Variants in SLC14A2 observed in about 807,000 individuals in gnomAD.
SLC14A2 encodes the protein urea transporter 2.
A neutral mutation model predicts 104.6 loss-of-function variants in SLC14A2; 91 were observed. The ratio of observed to expected loss-of-function variants is 0.87; its 90% CI spans 0.73 to 1.04. The LOEUF (loss-of-function observed/expected upper bound fraction) is 1.04. Ranked by LOEUF, SLC14A2 falls within the 50% of genes least tolerant of loss-of-function variation. The pLI, the probability that SLC14A2 is intolerant of heterozygous loss-of-function variation, is 0.00. For synonymous variants in SLC14A2, 476 were observed against 466.4 expected, an observed-to-expected ratio of 1.02 and a Z score of -0.27; for missense variants, 1,189 against 1,156.0, an observed-to-expected ratio of 1.03 and a Z score of -0.41.
chr18:45,406,871 T>C (rs1378254177), intron 1 of SLC14A2, among the ~76,000 whole-genome samples: 1 of 152,192 alleles, frequency 6.6e-6, no homozygotes, highest in African/African-American at 2.4e-5. Context: ...GCTTAAAATA[T>C]TCATTCAACC....
At chr18:45,284,033 G>A (rs2084789386) in intron 1 of SLC14A2, among the ~76,000 whole-genome samples, 1 of 152,108 alleles carries the variant, frequency 6.6e-6, no homozygotes, top group Non-Finnish European at 1.5e-5. Flanking sequence ...GGATATACTG[G>A]ATGAAATAAA....
intron 2 of SLC14A2, among the ~76,000 whole-genome samples, chr18:45,518,596 T>G (rs2043474068): frequency 6.6e-6 from 1 of 152,188 alleles, no homozygotes; most frequent in Non-Finnish European, 1.5e-5. Context: ...CTTGTTAACT[T>G]GCCTGGGGTC....
chr18:45,171,443 T>C, the SLC14A2 span, among the ~76,000 whole-genome samples: 1 of 152,146 alleles, frequency 6.6e-6, no homozygotes, highest in African/African-American at 2.4e-5. Flanking sequence ...GAGCTTATCT[T>C]GAAGAGAAAT....
intron 1 of SLC14A2, among the ~76,000 whole-genome samples, chr18:45,258,653 C>T (rs1220563858): frequency 2.8e-5 from 4 of 143,192 alleles, no homozygotes; most frequent in Non-Finnish European, 6.1e-5. Context: ...TTTGGATGAC[C>T]ATTTTAATAA....
chr18:45,409,034 T>C (rs891029047), intron 1 of SLC14A2, among the ~76,000 whole-genome samples: 3 of 152,188 alleles, frequency 2.0e-5, no homozygotes, highest in Non-Finnish European at 2.9e-5. Flanking sequence ...ACATACCTTT[T>C]AACTTCTGTG....
At chr18:45,521,937 G>A (rs992526110) in intron 2 of SLC14A2, among the ~76,000 whole-genome samples, 2 of 152,178 alleles carry the variant, frequency 1.3e-5, no homozygotes, top group Non-Finnish European at 2.9e-5. Context: ...ACTGGCCTTA[G>A]ACATCGTTAC....
At chr18:45,541,742 T>C (rs1452377361) in intron 2 of SLC14A2, among the ~76,000 whole-genome samples, 1 of 152,112 alleles carries the variant, frequency 6.6e-6, no homozygotes, top group Non-Finnish European at 1.5e-5. Flanking sequence ...TGGGAGATAA[T>C]TGGTAGGAGA....
intron 1 of SLC14A2, among the ~76,000 whole-genome samples, chr18:45,253,414 A>G (rs1240330375): frequency 5.3e-5 from 8 of 152,134 alleles, no homozygotes; most frequent in Non-Finnish European, 1.5e-5. Context: ...TGGGGATATG[A>G]GCAGATTACT....
intron 2 of SLC14A2, among the ~76,000 whole-genome samples, chr18:45,576,598 C>A (rs2044422588): frequency 1.3e-5 from 2 of 152,014 alleles, no homozygotes; most frequent in Admixed American, 6.6e-5. Flanking sequence ...TTAAAGGCTT[C>A]TTCAGTGTCT....
Position 45,271,813 on chromosome 18 carries a change from C to T in SLC14A2, c.-125+58622C>T, listed in dbSNP as rs185104910. Among the ~76,000 whole-genome samples the T allele has an allele frequency of 1.2e-3, 178 of 152,018 alleles. 1 individual carries two copies. Among genetic ancestry groups the T allele is most frequent in the African/African-American group, 3.6e-3 (148 of 41,520 alleles). On this transcript the variant is annotated intron_variant, in intron 1 of 20. Coordinates refer to the SLC14A2 transcript ENST00000586448. ...AGAAAAAAAATCCTAAAATTTATAT[C>T]GAACCGCAAAAGACCCAGAATAGCC...
At chr18:45,533,145 T>C (rs1210141654) in intron 2 of SLC14A2, among the ~76,000 whole-genome samples, 2 of 152,228 alleles carry the variant, frequency 1.3e-5, no homozygotes, top group African/African-American at 4.8e-5. Context: ...TCAAGGATAT[T>C]GGTCTAAAAT....
At chr18:45,366,586 C>G (rs1776397050) in intron 1 of SLC14A2, among the ~76,000 whole-genome samples, 1 of 152,170 alleles carries the variant, frequency 6.6e-6, no homozygotes, top group South Asian at 2.1e-4. Flanking sequence ...CTTCTCCTCT[C>G]CTATCACCCA....
intron 2 of SLC14A2, among the ~76,000 whole-genome samples, chr18:45,519,438 C>T (rs1197802565): frequency 6.6e-6 from 1 of 152,210 alleles, no homozygotes; most frequent in Non-Finnish European, 1.5e-5. Flanking sequence ...TTCACAGAGT[C>T]TCCAGTGTTG....
chr18:45,228,719 A>G (rs62092129), intron 1 of SLC14A2, among the ~76,000 whole-genome samples: 1 of 152,090 alleles, frequency 6.6e-6, no homozygotes, highest in South Asian at 2.1e-4. Flanking sequence ...GGCATCAGAT[A>G]GTCTTTCACC....
At chr18:45,435,269 A>G (rs1015003164) in intron 1 of SLC14A2, 8 of 152,238 alleles carry the variant, frequency 5.3e-5, no homozygotes, top group African/African-American at 1.9e-4. Context: ...TCGCAGATAA[A>G]GTTGCTTTGA....
rs768913142 is a variant in SLC14A2 at position 45,627,081 on chromosome 18, G to A, written c.455G>A (p.Trp152Ter). The change falls in exon 4 of 20, where the codon TGG (tryptophan) becomes TAG (stop). Residue 152 changes from tryptophan to a stop codon, truncating the protein, a stop_gained. Transcript: ENST00000255226. LOFTEE classifies it high-confidence loss of function. ...FIGLLIQNPW[W>*]TITGGLGTVV... ...GGGCTGCTGATCCAGAATCCCTGGTGGACAATCACTGGGGGCCTGGGGACA... is the reference window on the plus strand; with the variant it reads ...GGGCTGCTGATCCAGAATCCCTGGTAGACAATCACTGGGGGCCTGGGGACA... The A allele has an allele frequency of 1.4e-5, 23 of 1,613,924 alleles. No homozygotes were observed. In the East Asian group the frequency reaches 4.7e-4, roughly 33 times the overall value.
intron 1 of SLC14A2, among the ~76,000 whole-genome samples, chr18:45,309,116 T>C (rs1034236839): frequency 1.3e-5 from 2 of 152,176 alleles, no homozygotes; most frequent in African/African-American, 4.8e-5. Flanking sequence ...GTTCTGCCTT[T>C]CTCTATGCCA....
intron 1 of SLC14A2, among the ~76,000 whole-genome samples, chr18:45,463,799 G>A (rs922652360): frequency 2.6e-5 from 4 of 152,180 alleles, no homozygotes; most frequent in African/African-American, 9.7e-5. Flanking sequence ...TAATAAGCCC[G>A]TGACACATGG....
At chr18:45,648,115 A>G (rs2045653655) in intron 10 of SLC14A2, among the ~76,000 whole-genome samples, 1 of 148,750 alleles carries the variant, frequency 6.7e-6, no homozygotes, top group East Asian at 2.1e-4. Flanking sequence ...ACATTGTTTG[A>G]TGCCTATTAA....
Sources: gnomAD v4.1 joint callset for allele counts (sites outside exome capture counted in the v4.1 genomes callset) on GRCh38, gnomAD v4.1.1 for gene constraint, MANE v1.5 for transcripts, NCBI Gene and HGNC (gene_info 2026-07-23, HGNC 2026-07-21) for gene names.